TONSL: variants seen among roughly 807,000 people sequenced by gnomAD.
The protein encoded by TONSL is tonsoku-like protein.
Under a neutral mutation model 147.1 loss-of-function variants are expected in TONSL, and 112 were observed. That is an observed-to-expected ratio of 0.76 (90% confidence interval 0.65 to 0.89). The LOEUF (loss-of-function observed/expected upper bound fraction) is 0.89. Ranked by LOEUF, TONSL falls within the 40% of genes least tolerant of loss-of-function variation. The pLI is 0.00. For synonymous variants in TONSL, 868 were observed against 801.5 expected, an observed-to-expected ratio of 1.08 and a Z score of -1.40; for missense variants, 1,883 against 1,864.6, an observed-to-expected ratio of 1.01 and a Z score of -0.18.
chr8:144,435,977 G>GT lies in TONSL; in HGVS notation c.2455_2456insA (p.Ala819AspfsTer43), dbSNP rs1564729703. 4 of 1,554,924 alleles carry GT rather than the reference G, an allele frequency of 2.6e-6. No individual in the cohort carries two copies. Among genetic ancestry groups the GT allele is most frequent in the Non-Finnish European group, 3.5e-6 (4 of 1,151,416 alleles). On this transcript the variant is annotated frameshift_variant, in exon 17 of 26. Coordinates refer to ENST00000409379, the MANE Select transcript of TONSL (RefSeq NM_013432.5). LOFTEE classifies it high-confidence loss of function. ...CTCCGGGATGAGCGCTGCCTGGGGG[G>GT]CAAGGGCTTTGCTGTGGCCCCGCGG...
At chr8:144,440,551 C>T in intron 9 of TONSL, 75 bp from the exon 10 acceptor site, 1 of 1,532,544 alleles carries the variant, frequency 6.5e-7, no homozygotes, top group African/African-American at 1.4e-5. Flanking sequence ...GCTTCCCCGG[C>T]TGCCCAGACG....
At position 144,436,781 on chromosome 8, in the gene TONSL, C is replaced by T. The variant is rs112282581; in HGVS notation, c.1866G>A (p.Ala622=). The change falls in exon 15 of 26, where the codon GCG becomes GCA. Residue 622 remains alanine, a synonymous_variant. Transcript: ENST00000409379. ...EVAELLLERG[A]SVTLRTRKGL... is the part of the protein sequence containing the mutation. ...CCTTTCGAGTGCGGAGGGTGACGGA[C>T]GCCCCCCGTTCAAGCAGCAGCTCAG... The T allele has an allele frequency of 5.3e-5, 85 of 1,611,014 alleles. No individual in the cohort carries two copies. The Middle Eastern group carries it at 2.0e-3, about 37-fold the overall frequency.
chr8:144,441,890 T>A (rs1823732341), intron 7 of TONSL, 147 bp downstream of exon 7: 1 of 631,750 alleles, frequency 1.6e-6, no homozygotes, highest in East Asian at 2.9e-5. Flanking sequence ...CCTGCCCCTC[T>A]TGCTGAAGCT....
chr8:144,430,294 TGCTGCC>T, intron 25 of TONSL, 104 bp downstream of exon 25: 1 of 1,305,716 alleles, frequency 7.7e-7, no homozygotes, highest in Non-Finnish European at 1.0e-6. Context: ...AGCCCAGCCT[TGCTGCC>T]TGGCTGGTAG....
In TONSL at chr8:144,442,770, G is replaced by A. The variant is rs1430875944; in HGVS notation, c.485C>T (p.Thr162Ile). The A allele has an allele frequency of 1.2e-6, 2 of 1,612,804 alleles. No individual in the cohort carries two copies. Among genetic ancestry groups the A allele is most frequent in the Admixed American group, 1.7e-5 (1 of 59,994 alleles). The part of the protein sequence containing the change: ...LAQGELNEMR[T>I]RLYLNLGLTF... The stretch of plus-strand genomic sequence containing the variant: ...GAGGCCCAGGTTGAGATAGAGGCGG[G>A]TCCTCATCTCATTCAGCTCTCCCTG... Residue 162 changes from threonine (T) to isoleucine (I), a missense_variant, in exon 5 of 26, where the codon ACC becomes ATC. By Grantham distance (89) the Thr-to-Ile change is moderately conservative. Coordinates refer to ENST00000409379, the MANE Select transcript of TONSL (RefSeq NM_013432.5).
chr8:144,432,412 G>T lies in TONSL; in HGVS notation c.3608C>A (p.Ala1203Asp), dbSNP rs781938777. 2 of 1,588,142 alleles carry T rather than the reference G, an allele frequency of 1.3e-6. No individual in the cohort carries two copies. Among genetic ancestry groups the T allele is most frequent in the Admixed American group, 3.7e-5 (2 of 53,908 alleles). The change falls in exon 23 of 26, where the codon GCC becomes GAC. Residue 1203 changes from alanine to aspartate, a missense_variant. Physicochemically the swap from Ala to Asp is moderately radical, Grantham distance 126 (BLOSUM62 -2). Transcript: ENST00000409379. The part of the protein sequence containing the change: ...TLSLSYNALG[A>D]PALARTLQSL... ...CTGCAGGGTCCTGGCCAGGGCAGGGGCTCCCAGGGCGTTGTAGGACAGGGA... is the reference window on the plus strand; with the variant it reads ...CTGCAGGGTCCTGGCCAGGGCAGGGTCTCCCAGGGCGTTGTAGGACAGGGA...
chr8:144,441,398 C>G (rs1320492130), intron 7 of TONSL: 1 of 360,188 alleles, frequency 2.8e-6, no homozygotes, highest in Non-Finnish European at 5.1e-6. Context: ...CGAGACCATC[C>G]TGGCTAACAT....
At position 144,440,730 on chromosome 8, in the gene TONSL, G is replaced by A; in HGVS notation, c.1152C>T (p.Gly384=). 6.2e-7 allele frequency: 1 copy of A among 1,612,428 alleles called. No individual in the cohort carries two copies. ...HYEEELRLRS[G]NVLEEAKTWL... ...GCAAGGGTTTCACCTCCAGCACGTT[G>A]CCGCTGCGCAGCCTCAGTTCCTCCT... The change falls in exon 9 of 26, where the codon GGC becomes GGT. Residue 384 remains glycine (G), a synonymous_variant. Coordinates refer to ENST00000409379, the MANE Select transcript of TONSL (RefSeq NM_013432.5).
chr8:144,436,386 T>C lies in TONSL; in HGVS notation c.2047A>G (p.Ser683Gly). The C allele has an allele frequency of 6.6e-7, 1 of 1,505,108 alleles. No individual in the cohort carries two copies. 93.2% of individuals were successfully genotyped at this position (1,505,108 alleles called of 1,614,324 possible). Reference protein sequence around the residue: ...PHSSQAFHTPSSLLFDPETSP... With the variant: ...PHSSQAFHTPGSLLFDPETSP... ...GTCTCGGGGTCAAACAGAAGGCTGCTTGGGGTGTGGAAGGCCTGGGAGCTG... is the reference window on the plus strand; with the variant it reads ...GTCTCGGGGTCAAACAGAAGGCTGCCTGGGGTGTGGAAGGCCTGGGAGCTG... The change falls in exon 17 of 26, where the codon AGC becomes GGC. Residue 683 changes from serine (S) to glycine (G), a missense_variant. Ser to Gly is a moderately conservative substitution (Grantham distance 56). Coordinates refer to ENST00000409379, the MANE Select transcript of TONSL (RefSeq NM_013432.5).
rs1823244505 is a variant in TONSL at position 144,432,416 on chromosome 8, C to T, written c.3604G>A (p.Gly1202Arg). 2 of 1,586,866 alleles carry T rather than the reference C, an allele frequency of 1.3e-6. No homozygotes were observed. Among genetic ancestry groups the T allele is most frequent in the Non-Finnish European group, 1.7e-6 (2 of 1,169,180 alleles). ...KTLSLSYNAL[G>R]APALARTLQS... ...AGGGTCCTGGCCAGGGCAGGGGCTCCCAGGGCGTTGTAGGACAGGGACAGG... is the reference window on the plus strand; with the variant it reads ...AGGGTCCTGGCCAGGGCAGGGGCTCTCAGGGCGTTGTAGGACAGGGACAGG... Residue 1202 changes from glycine (G) to arginine (R), a missense_variant, in exon 23 of 26, where the codon GGA (glycine) becomes AGA (arginine). Gly to Arg is a moderately radical substitution (Grantham distance 125, BLOSUM62 -2). Transcript: ENST00000409379.
At position 144,433,975 on chromosome 8, in the gene TONSL, T is replaced by C. The variant is rs1554879312; in HGVS notation, c.3387+3A>G. Reference sequence around the variant, plus strand: ...GAGGGCCTGCTGCTCTCTGTGCCTATACCTGCAAGGTGGCTTGGCCTGGGA... The same window carrying C: ...GAGGGCCTGCTGCTCTCTGTGCCTACACCTGCAAGGTGGCTTGGCCTGGGA... On this transcript the variant is annotated splice_donor_region_variant and intron_variant, in intron 21 of 25. Coordinates refer to ENST00000409379, the MANE Select transcript of TONSL (RefSeq NM_013432.5). The C allele has an allele frequency of 1.0e-5, 16 of 1,577,012 alleles. No homozygotes were observed. Among genetic ancestry groups the C allele is most frequent in the African/African-American group, 1.3e-5 (1 of 74,172 alleles).
rs1178399497 is a variant in TONSL at position 144,428,799 on chromosome 8, T to A, written c.*344A>T. 7 of 174,914 alleles carry A rather than the reference T, an allele frequency of 4.0e-5. No individual in the cohort carries two copies. Among genetic ancestry groups the A allele is most frequent in the African/African-American group, 9.5e-5 (4 of 42,284 alleles). 10.8% of individuals were successfully genotyped at this position (174,914 alleles called of 1,614,324 possible). On this transcript the variant is annotated 3_prime_UTR_variant, in exon 26 of 26. Transcript: ENST00000409379. ...AGCAGCTTCATTTATTTTATTTTTT[T>A]TTTTTTTTGAGACGGAGTCTCGGTC...
At position 144,443,102 on chromosome 8, in the gene TONSL, G is replaced by T. The variant is rs1435764754; in HGVS notation, c.448+36C>A. 5 of 1,540,122 alleles carry T rather than the reference G, an allele frequency of 3.2e-6. No homozygotes were observed. The South Asian group carries it at 6.0e-5, about 18-fold the overall frequency. ...TGGGCTGCAGCCTCTTCGGCCCGAA[G>T]TTCAGGAGGCAGAAAACGCGGAGGG... On this transcript the variant is annotated intron_variant, in intron 4 of 25. Coordinates refer to ENST00000409379, the MANE Select transcript of TONSL (RefSeq NM_013432.5).
chr8:144,443,446 G>A (rs1823794213), intron 3 of TONSL, 125 bp from the exon 4 acceptor site: 2 of 939,338 alleles, frequency 2.1e-6, no homozygotes, highest in Admixed American at 2.7e-5. Context: ...CCACAGAGCA[G>A]GCCAAGGCCA....
At chr8:144,434,385 C>T in intron 20 of TONSL, 106 bp from the exon 21 acceptor site, 3 of 1,008,756 alleles carry the variant, frequency 3.0e-6, no homozygotes, top group Non-Finnish European at 4.2e-6. Context: ...AGGGGTCACC[C>T]ACCAGACTTG....
At chr8:144,431,615 C>T (rs990033050) in intron 23 of TONSL, among the ~76,000 whole-genome samples, 3 of 150,150 alleles carry the variant, frequency 2.0e-5, no homozygotes, top group Non-Finnish European at 3.0e-5. Context: ...CCCGGGTTCA[C>T]GCTGTTCTCC....
chr8:144,434,142 G>T lies in TONSL; in HGVS notation c.3223C>A (p.Leu1075Met). The change falls in exon 21 of 26, where the codon CTG (leucine) becomes ATG (methionine). Residue 1075 changes from leucine (L) to methionine (M), a missense_variant. By Grantham distance (15) the Leu-to-Met change is conservative. Transcript: ENST00000409379. ...ALKLHTALRE[L>M]RLAGNRLGDK... ...CCCAGCCGGTTCCCTGCCAGGCGCA[G>T]CTCCCGGAGTGCTGTGTGCAGCTTG... 1 of 1,611,690 alleles carries T rather than the reference G, an allele frequency of 6.2e-7. No individual in the cohort carries two copies.
chr8:144,436,184 G>T lies in TONSL; in HGVS notation c.2249C>A (p.Ala750Glu). ...SSSSSEGEDS[A>E]GPARPSQKRP... ...CTTCTGGGACGGCCGTGCGGGGCCT[G>T]CGCTGTCCTCGCCTTCTGAGCTGCT... The change falls in exon 17 of 26, where the codon GCA (alanine) becomes GAA (glutamate). Residue 750 changes from alanine (A) to glutamate (E), a missense_variant. Coordinates refer to ENST00000409379, the MANE Select transcript of TONSL (RefSeq NM_013432.5). 2 of 1,574,922 alleles carry T rather than the reference G, an allele frequency of 1.3e-6. No homozygotes were observed. The highest frequency in any genetic ancestry group is 8.6e-7 in the Non-Finnish European group (1 of 1,164,904).
chr8:144,429,421 G>C (rs1396510240), intron 25 of TONSL, 85 bp from the exon 26 acceptor site: 2 of 1,275,476 alleles, frequency 1.6e-6, no homozygotes, highest in Non-Finnish European at 2.0e-6. Context: ...GAACAAACTC[G>C]CTTTCGCTGA....
Sources: gnomAD v4.1 joint callset for allele counts (sites outside exome capture counted in the v4.1 genomes callset) on GRCh38, gnomAD v4.1.1 for gene constraint, MANE v1.5 for transcripts, NCBI Gene and HGNC (gene_info 2026-07-23, HGNC 2026-07-21) for gene names.